Variants in ZNF71 observed in about 807,000 individuals in gnomAD.
ZNF71 encodes the protein zinc finger protein 71, also known as endothelial zinc finger protein induced by tumor necrosis factor alpha.
Under a neutral mutation model 6.7 loss-of-function variants are expected in ZNF71, and 3 were observed. That is an observed-to-expected ratio of 0.45 (90% CI 0.20 to 1.16). ZNF71 has a LOEUF of 1.16. Ranked by LOEUF, ZNF71 falls within the 50% of genes most tolerant of loss-of-function variation. The pLI, the probability that ZNF71 is intolerant of heterozygous loss-of-function variation, is 0.25. For missense variants in ZNF71, 688 were observed against 728.6 expected, an observed-to-expected ratio of 0.94 and a Z score of 0.64; for synonymous variants, 343 against 311.1, an observed-to-expected ratio of 1.10 and a Z score of -1.08.
intron 1 of ZNF71, among the ~76,000 whole-genome samples, chr19:56,600,388 G>A (rs1244607460): frequency 1.8e-5 from 1 of 55,230 alleles, no homozygotes; most frequent in Non-Finnish European, 3.5e-5. Flanking sequence ...TAGTAGAGAC[G>A]GGGTTTCACC....
chr19:56,613,271 C>T lies in ZNF71; in HGVS notation c.34-541C>T, dbSNP rs1177840581. ...ACAGACTACTCAAAGTCTTCCTGGG[C>T]ACCCCCCACAGCTGGCATTACTCAG... On this transcript the variant is annotated intron_variant, in intron 2 of 3. Transcript: ENST00000599599. The surrounding 1 kb of genome is among the most constrained non-coding windows in gnomAD (Gnocchi z 4.6). Among the ~76,000 whole-genome samples, 3 of 152,198 alleles carry T rather than the reference C, an allele frequency of 2.0e-5. No homozygotes were observed. The highest frequency in any genetic ancestry group is 4.8e-5 in the African/African-American group (2 of 41,456).
In ZNF71 at chr19:56,603,037, C is replaced by T. The variant is rs2044683033; in HGVS notation, c.33+1446C>T. 6.6e-6 allele frequency among the ~76,000 whole-genome samples: 1 copy of T among 152,168 alleles called. No homozygotes were observed. The highest frequency in any genetic ancestry group is 1.5e-5 in the Non-Finnish European group (1 of 68,040). Reference sequence around the variant, plus strand: ...ATGTGTCAGTAGACTTATTTGGGAGCTTTGGTTTATTCTGTCTTCATTTGT... The same window carrying T: ...ATGTGTCAGTAGACTTATTTGGGAGTTTTGGTTTATTCTGTCTTCATTTGT... On this transcript the variant is annotated intron_variant, in intron 2 of 3. Transcript: ENST00000599599. This position sits in a 1 kb window ranked among gnomAD's most constrained non-coding sequence, Gnocchi z 4.6.
Position 56,613,804 on chromosome 19 carries a change from T to C in ZNF71, c.34-8T>C. Reference sequence around the variant, plus strand: ...CTGCGATGAGCGGATGTGGGTTTCCTCTTACAGGAATCAGTGACGTTCAGG... The same window carrying C: ...CTGCGATGAGCGGATGTGGGTTTCCCCTTACAGGAATCAGTGACGTTCAGG... On this transcript the variant is annotated splice_polypyrimidine_tract_variant and splice_region_variant and intron_variant, in intron 2 of 3. Transcript: ENST00000599599. This position sits in a 1 kb window ranked among gnomAD's most constrained non-coding sequence, Gnocchi z 4.6. The C allele has an allele frequency of 9.1e-7, 1 of 1,104,470 alleles. No homozygotes were observed. The highest frequency in any genetic ancestry group is 3.0e-5 in the South Asian group (1 of 33,382). The allele number at this position is 1,104,470 out of a possible 1,614,324, so 68.4% of individuals were successfully genotyped here. A position where few individuals can be genotyped will look rare whatever the true frequency, so the allele number is the denominator to read the frequency against.
chr19:56,607,351 A>T (rs1195643228), intron 2 of ZNF71, among the ~76,000 whole-genome samples: 1 of 152,198 alleles, frequency 6.6e-6, no homozygotes, highest in African/African-American at 2.4e-5. Context: ...TTCCTATCAC[A>T]TACGATTGCT....
chr19:56,615,558 GTTTTT>G (rs60056272), intron 3 of ZNF71, among the ~76,000 whole-genome samples: 41,796 of 141,042 alleles, frequency 0.3, 7,168 homozygotes, highest in East Asian at 0.68. Flanking sequence ...GTCTTTTCCT[GTTTTT>G]TTTTTTTTTT....
At chr19:56,610,921 C>A (rs1211548067) in intron 2 of ZNF71, among the ~76,000 whole-genome samples, 5 of 152,046 alleles carry the variant, frequency 3.3e-5, no homozygotes, top group East Asian at 1.9e-4. Flanking sequence ...TATATAGAGA[C>A]CACATTTTCT....
intron 2 of ZNF71, among the ~76,000 whole-genome samples, chr19:56,602,097 T>C (rs1485729896): frequency 6.6e-6 from 1 of 152,212 alleles, no homozygotes; most frequent in African/African-American, 2.4e-5. Context: ...ATCAGAGATT[T>C]CATCCTGAGC....
Position 56,621,628 on chromosome 19 carries a change from C to T in ZNF71, c.521C>T (p.Thr174Ile), listed in dbSNP as rs1407011729. The T allele has an allele frequency of 8.7e-6, 14 of 1,614,120 alleles. No homozygotes were observed. The highest frequency in any genetic ancestry group is 1.6e-4 in the Middle Eastern group (1 of 6,084). Residue 174 changes from threonine (T) to isoleucine (I), a missense_variant, in exon 4 of 4, where the codon ACT (threonine) becomes ATT (isoleucine). Transcript: ENST00000599599. ...PVRRGKNFSS[T>I]SDLSKPPMPC... ...AGGCGTGGCAAGAACTTCTCCAGCACTTCAGACCTCAGTAAGCCCCCCATG... is the reference window on the plus strand; with the variant it reads ...AGGCGTGGCAAGAACTTCTCCAGCATTTCAGACCTCAGTAAGCCCCCCATG...
At chr19:56,606,554 G>T (rs886350896) in intron 2 of ZNF71, among the ~76,000 whole-genome samples, 2 of 152,178 alleles carry the variant, frequency 1.3e-5, no homozygotes, top group Non-Finnish European at 2.9e-5. Flanking sequence ...TTCGTGCCTG[G>T]CATCTCTTGT....
At position 56,601,659 on chromosome 19, in the gene ZNF71, C is replaced by T. The variant is rs2044671672; in HGVS notation, c.33+68C>T. 5 of 960,350 alleles carry T rather than the reference C, an allele frequency of 5.2e-6. No homozygotes were observed. In the African/African-American group the frequency reaches 7.1e-5, roughly 14 times the overall value. The allele number at this position is 960,350 out of a possible 1,614,324, so 59.5% of individuals were successfully genotyped here. Reference sequence around the variant, plus strand: ...TCCTGCCTTGGGTGAGCCTCTGCTGCTCGAACCCTCTCCAAGGCCCCCAGT... The same window carrying T: ...TCCTGCCTTGGGTGAGCCTCTGCTGTTCGAACCCTCTCCAAGGCCCCCAGT... On this transcript the variant is annotated intron_variant, in intron 2 of 3. Coordinates refer to ENST00000599599, the MANE Select transcript of ZNF71 (RefSeq NM_001370215.1).
chr19:56,617,615 G>T (rs988994208), intron 3 of ZNF71, among the ~76,000 whole-genome samples: 1 of 152,200 alleles, frequency 6.6e-6, no homozygotes, highest in African/African-American at 2.4e-5. Context: ...AGCTTCGGAT[G>T]TCTCCCATGA....
chr19:56,622,594 A>G lies in ZNF71; in HGVS notation c.1487A>G (p.Lys496Arg). Residue 496 changes from lysine (K) to arginine (R), a missense_variant, in exon 4 of 4, where the codon AAG (lysine) becomes AGG (arginine). Lys to Arg is a conservative substitution (Grantham distance 26). Transcript: ENST00000599599. The part of the protein sequence containing the change: ...IEHQRIHTGE[K>R]PYRCGQCGKS... ...CACCAGCGGATCCACACCGGCGAGA[A>G]GCCGTACAGGTGCGGCCAGTGCGGG... 1 of 1,613,644 alleles carries G rather than the reference A, an allele frequency of 6.2e-7. No individual in the cohort carries two copies. The highest frequency in any genetic ancestry group is 1.7e-5 in the Admixed American group (1 of 60,002).
chr19:56,613,761 G>T lies in ZNF71; in HGVS notation c.34-51G>T, dbSNP rs754090300. Reference sequence around the variant, plus strand: ...TTGGCTTTTCTGGCCATTCCTCCACGCCTCTGTAAGGAGGGCCCTGCGATG... The same window carrying T: ...TTGGCTTTTCTGGCCATTCCTCCACTCCTCTGTAAGGAGGGCCCTGCGATG... On this transcript the variant is annotated intron_variant, in intron 2 of 3. Coordinates refer to ENST00000599599, the MANE Select transcript of ZNF71 (RefSeq NM_001370215.1). This position sits in a 1 kb window ranked among gnomAD's most constrained non-coding sequence, Gnocchi z 4.6. 10 of 1,069,604 alleles carry T rather than the reference G, an allele frequency of 9.3e-6. No homozygotes were observed. The highest frequency in any genetic ancestry group is 1.2e-5 in the Non-Finnish European group (10 of 865,736). 66.3% of individuals were successfully genotyped at this position (1,069,604 alleles called of 1,614,324 possible).
rs1600601973 is a variant in ZNF71 at position 56,623,554 on chromosome 19, T to C, written c.*797T>C. On this transcript the variant is annotated 3_prime_UTR_variant, in exon 4 of 4. Transcript: ENST00000599599. ...CAGGTTTGATATTCAGAAAGAAATA[T>C]GCATGGATTCAATAAGTATATACAT... 1.2e-5 allele frequency: 2 copies of C among 167,230 alleles called. No individual in the cohort carries two copies. Among genetic ancestry groups the C allele is most frequent in the East Asian group, 3.9e-4 (2 of 5,194 alleles). 10.4% of individuals were successfully genotyped at this position (167,230 alleles called of 1,614,324 possible).
At chr19:56,596,217 G>A (rs1243966670) in intron 1 of ZNF71, among the ~76,000 whole-genome samples, 2 of 152,094 alleles carry the variant, frequency 1.3e-5, no homozygotes, top group African/African-American at 4.8e-5. Context: ...CTTGGCATGA[G>A]TGTAGGGCTG....
chr19:56,606,689 A>G (rs1239344353), intron 2 of ZNF71, among the ~76,000 whole-genome samples: 2 of 151,314 alleles, frequency 1.3e-5, no homozygotes, highest in African/African-American at 2.4e-5. Flanking sequence ...TTTTTTCCAC[A>G]TGGATTTTCC....
At chr19:56,620,279 A>G (rs987258891) in intron 3 of ZNF71, among the ~76,000 whole-genome samples, 9 of 152,160 alleles carry the variant, frequency 5.9e-5, no homozygotes, top group African/African-American at 1.9e-4. Context: ...ACCCTGGGGC[A>G]GCCATACCAG....
intron 1 of ZNF71, among the ~76,000 whole-genome samples, chr19:56,600,103 T>TG (rs1171544290): frequency 2.6e-3 from 345 of 131,808 alleles, no homozygotes; most frequent in Middle Eastern, 4.5e-3. Context: ...TTTGTTTTTT[T>TG]TTTTTTTTTT....
rs1177033001 is a variant in ZNF71, at chr19:56,620,286, C to A, written c.161-982C>A. ...AGCCAGCAACCCTGGGGCAGCCATA[C>A]CAGAGAAGTGGCAAAGGGGCAGGAG... On this transcript the variant is annotated intron_variant, in intron 3 of 3. Coordinates refer to ENST00000599599, the MANE Select transcript of ZNF71 (RefSeq NM_001370215.1). Among the ~76,000 whole-genome samples, 5 of 152,234 alleles carry A rather than the reference C, an allele frequency of 3.3e-5. No homozygotes were observed. The East Asian group carries it at 5.8e-4, about 18-fold the overall frequency.
Sources: gnomAD v4.1 joint callset for allele counts (sites outside exome capture counted in the v4.1 genomes callset) on GRCh38, gnomAD v4.1.1 for gene constraint, Gnocchi (gnomAD v3.1) non-coding constraint, MANE v1.5 for transcripts, NCBI Gene and HGNC (gene_info 2026-07-23, HGNC 2026-07-21) for gene names.